Variants in RANBP6 observed in about 807,000 individuals in gnomAD.
The protein encoded by RANBP6 is RAN binding protein 6.
A neutral mutation model predicts 35.3 loss-of-function variants in RANBP6; 10 were observed. The ratio of observed to expected loss-of-function variants is 0.28; its 90% CI spans 0.17 to 0.48. The LOEUF (loss-of-function observed/expected upper bound fraction) is 0.48, where lower values mean the gene tolerates loss of function less well. RANBP6 is among the 20% of genes least tolerant of loss of function. RANBP6 has a pLI of 0.99. For missense variants in RANBP6, 1,392 were observed against 1,307.7 expected (o/e 1.06, Z -0.99); for synonymous variants, 514 against 464.2 (o/e 1.11, Z -1.38).
In RANBP6 at chr9:6,015,037, C is replaced by A; in HGVS notation, c.571G>T (p.Asp191Tyr). The change falls in exon 1 of 1, where the codon GAT (aspartate) becomes TAT (tyrosine). Residue 191 changes from aspartate to tyrosine, a missense_variant. By Grantham distance (160) the Asp-to-Tyr change is radical. Coordinates refer to ENST00000259569, the MANE Select transcript of RANBP6 (RefSeq NM_012416.4). ...IKRLLDQCIQ[D>Y]QEHPAIRTLS... ...GTCCTGATTGCTGGATGTTCTTGAT[C>A]TTGAATACACTGGTCCAACAACCGT... is the stretch of plus-strand genomic sequence containing the variant. 6.2e-7 allele frequency: 1 copy of A among 1,614,220 alleles called. No individual in the cohort carries two copies.
rs1385520599 is a variant in RANBP6 at position 6,011,454 on chromosome 9, G to C, written c.*836C>G. 6.6e-6 allele frequency: 1 copy of C among 152,054 alleles called. No homozygotes were observed. Among genetic ancestry groups the C allele is most frequent in the African/African-American group, 2.4e-5 (1 of 41,384 alleles). 9.4% of individuals were successfully genotyped at this position (152,054 alleles called of 1,614,324 possible). ...CCCTATAACTAGAGCTTTTTCTCTT[G>C]TTGAGCTGCTTTGCAGGGAGAAAAT... On this transcript the variant is annotated 3_prime_UTR_variant, in exon 1 of 1. Transcript: ENST00000259569.
chr9:6,012,165 TG>T lies in RANBP6; in HGVS notation c.*124del. The T allele has an allele frequency of 1.4e-6, 1 of 695,762 alleles. No homozygotes were observed. Among genetic ancestry groups the T allele is most frequent in the Non-Finnish European group, 2.2e-6 (1 of 446,174 alleles). The allele number at this position is 695,762 out of a possible 1,614,324, so 43.1% of individuals were successfully genotyped here. A position where few individuals can be genotyped will look rare whatever the true frequency, so the allele number is the denominator to read the frequency against. ...AACACTGATTAATTCTGGAGAAACA[TG>T]GAGAAGAACTATAAACTGCTTAGCA... On this transcript the variant is annotated 3_prime_UTR_variant, in exon 1 of 1. Coordinates refer to ENST00000259569, the MANE Select transcript of RANBP6 (RefSeq NM_012416.4).
At position 6,012,326 on chromosome 9, in the gene RANBP6, C is replaced by T; in HGVS notation, c.3282G>A (p.Gln1094=). Residue 1094 remains glutamine (Q), a synonymous_variant, in exon 1 of 1, where the codon CAG becomes CAA. Coordinates refer to ENST00000259569, the MANE Select transcript of RANBP6 (RefSeq NM_012416.4). ...LECVSQLDDE[Q]QEALQELLNF... ...TTAGCAACTCCTGTAAGGCTTCCTG[C>T]TGTTCATCATCAAGTTGTGATACAC... is the stretch of plus-strand genomic sequence containing the variant. The T allele has an allele frequency of 6.3e-7, 1 of 1,588,762 alleles. No homozygotes were observed. Among genetic ancestry groups the T allele is most frequent in the Non-Finnish European group, 8.5e-7 (1 of 1,170,526 alleles).
rs1373747439 is a variant in RANBP6 at position 6,011,141 on chromosome 9, A to C, written c.*1149T>G. ...CCCCAGGAAATTATAGATGTATTTA[A>C]GTTTTGGATCAATGAGTAATCGTTA... On this transcript the variant is annotated 3_prime_UTR_variant, in exon 1 of 1. Coordinates refer to ENST00000259569, the MANE Select transcript of RANBP6 (RefSeq NM_012416.4). 1 of 152,208 alleles carries C rather than the reference A, an allele frequency of 6.6e-6. No homozygotes were observed. The highest frequency in any genetic ancestry group is 1.5e-5 in the Non-Finnish European group (1 of 68,030). 9.4% of individuals were successfully genotyped at this position (152,208 alleles called of 1,614,324 possible).
At position 6,015,048 on chromosome 9, in the gene RANBP6, T is replaced by G; in HGVS notation, c.560A>C (p.Gln187Pro). The change falls in exon 1 of 1, where the codon CAG becomes CCG. Residue 187 changes from glutamine (Q) to proline (P), a missense_variant. By Grantham distance (76) the Gln-to-Pro change is moderately conservative (BLOSUM62 -1). Transcript: ENST00000259569. The part of the protein sequence containing the change: ...DLDIIKRLLD[Q>P]CIQDQEHPAI... ...TGGATGTTCTTGATCTTGAATACAC[T>G]GGTCCAACAACCGTTTGATGATATC... 6.2e-7 allele frequency: 1 copy of G among 1,614,216 alleles called. No individual in the cohort carries two copies. The highest frequency in any genetic ancestry group is 8.5e-7 in the Non-Finnish European group (1 of 1,180,030).
chr9:6,011,193 T>C lies in RANBP6; in HGVS notation c.*1097A>G, dbSNP rs961036515. The C allele has an allele frequency of 5.9e-5, 9 of 152,216 alleles. No homozygotes were observed. Among genetic ancestry groups the C allele is most frequent in the Non-Finnish European group, 1.3e-4 (9 of 68,022 alleles). The allele number at this position is 152,216 out of a possible 1,614,324, so 9.4% of individuals were successfully genotyped here. A position where few individuals can be genotyped will look rare whatever the true frequency, so the allele number is the denominator to read the frequency against. On this transcript the variant is annotated 3_prime_UTR_variant, in exon 1 of 1. Transcript: ENST00000259569. Reference sequence around the variant, plus strand: ...CTGAGTAGAAAGCTCTTTTCTACCCTACAATAAGCTCGACATTAAAGACTG... The same window carrying C: ...CTGAGTAGAAAGCTCTTTTCTACCCCACAATAAGCTCGACATTAAAGACTG...
rs2129695384 is a variant in RANBP6 at position 6,011,885 on chromosome 9, A to G, written c.*405T>C. 6.4e-6 allele frequency: 1 copy of G among 155,392 alleles called. No individual in the cohort carries two copies. The highest frequency in any genetic ancestry group is 2.4e-5 in the African/African-American group (1 of 41,616). 9.6% of individuals were successfully genotyped at this position (155,392 alleles called of 1,614,324 possible). A position where few individuals can be genotyped will look rare whatever the true frequency, so the allele number is the denominator to read the frequency against. ...AAGCCTGCCACTATATCCTTCACTC[A>G]CAATTCCAAAGATGTTTGTCCTGGA... is the stretch of plus-strand genomic sequence containing the variant. On this transcript the variant is annotated 3_prime_UTR_variant, in exon 1 of 1. Coordinates refer to ENST00000259569, the MANE Select transcript of RANBP6 (RefSeq NM_012416.4).
Position 6,013,934 on chromosome 9 carries a change from G to C in RANBP6, c.1674C>G (p.Leu558=), listed in dbSNP as rs772247520. ...CGATAGTTTTTCCTCTCAGAAGCTT[G>C]AGTTCCTTCTGAACAGCAAGCTCAA... is the stretch of plus-strand genomic sequence containing the variant. ...HIVELAVQKE[L]KLLRGKTIEC... The change falls in exon 1 of 1, where the codon CTC becomes CTG. Residue 558 remains leucine, a synonymous_variant. Coordinates refer to ENST00000259569, the MANE Select transcript of RANBP6 (RefSeq NM_012416.4). 1.9e-6 allele frequency: 3 copies of C among 1,613,938 alleles called. No individual in the cohort carries two copies. Among genetic ancestry groups the C allele is most frequent in the East Asian group, 4.5e-5 (2 of 44,880 alleles).
Position 6,012,617 on chromosome 9 carries a change from T to A in RANBP6, c.2991A>T (p.Val997=). The A allele has an allele frequency of 6.2e-7, 1 of 1,614,140 alleles. No homozygotes were observed. The highest frequency in any genetic ancestry group is 1.3e-5 in the African/African-American group (1 of 75,062). The change falls in exon 1 of 1, where the codon GTA becomes GTT. Residue 997 remains valine, a synonymous_variant. Transcript: ENST00000259569. ...ATAACCAGTGTGGAAGAACTTCATC[T>A]ACATTTACACAGTTAGGCTTAAACT... is the stretch of plus-strand genomic sequence containing the variant. ...ILKFKPNCVN[V]DEVLPHWLSW... is the part of the protein sequence containing the mutation.
rs1842483311 is a variant in RANBP6 at position 6,012,224 on chromosome 9, T to G, written c.*66A>C. ...AACAGTTCTCTGATTTATAATAAAA[T>G]CTATTCACAACACTTATTTGTAGTT... On this transcript the variant is annotated 3_prime_UTR_variant, in exon 1 of 1. Transcript: ENST00000259569. The G allele has an allele frequency of 1.7e-6, 2 of 1,187,536 alleles. No individual in the cohort carries two copies. The highest frequency in any genetic ancestry group is 2.3e-6 in the Non-Finnish European group (2 of 870,052). The allele number at this position is 1,187,536 out of a possible 1,614,324, so 73.6% of individuals were successfully genotyped here. A position where few individuals can be genotyped will look rare whatever the true frequency, so the allele number is the denominator to read the frequency against.
rs934641839 is a variant in RANBP6 at position 6,011,273 on chromosome 9, A to G, written c.*1017T>C. On this transcript the variant is annotated 3_prime_UTR_variant, in exon 1 of 1. Transcript: ENST00000259569. ...CTTATAGAACTGTTTTCTCATAATAATGCACATCTACTGCTAAATGACTAC... is the reference window on the plus strand; with the variant it reads ...CTTATAGAACTGTTTTCTCATAATAGTGCACATCTACTGCTAAATGACTAC... 2 of 152,222 alleles carry G rather than the reference A, an allele frequency of 1.3e-5. No individual in the cohort carries two copies. Among genetic ancestry groups the G allele is most frequent in the African/African-American group, 4.8e-5 (2 of 41,462 alleles). 9.4% of individuals were successfully genotyped at this position (152,222 alleles called of 1,614,324 possible). A position where few individuals can be genotyped will look rare whatever the true frequency, so the allele number is the denominator to read the frequency against.
chr9:6,013,717 G>A lies in RANBP6; in HGVS notation c.1891C>T (p.Leu631Phe). The A allele has an allele frequency of 6.2e-7, 1 of 1,614,098 alleles. No homozygotes were observed. Among genetic ancestry groups the A allele is most frequent in the South Asian group, 1.1e-5 (1 of 91,064 alleles). ...KILGKDFQQY[L>F]PLVIEPLIKT... The stretch of plus-strand genomic sequence containing the variant: ...ATAAGAGGCTCGATAACCAGTGGAA[G>A]GTACTGTTGAAAATCTTTTCCAAGA... Residue 631 changes from leucine (L) to phenylalanine (F), a missense_variant, in exon 1 of 1, where the codon CTT (leucine) becomes TTT (phenylalanine). By Grantham distance (22) the Leu-to-Phe change is conservative. Coordinates refer to ENST00000259569, the MANE Select transcript of RANBP6 (RefSeq NM_012416.4).
In RANBP6 at chr9:6,015,518, G is replaced by A. The variant is rs754289134; in HGVS notation, c.90C>T (p.Ser30=). Residue 30 remains serine, a synonymous_variant, in exon 1 of 1, where the codon AGC becomes AGT. Transcript: ENST00000259569. The stretch of plus-strand genomic sequence containing the variant: ...CCTCTGCTTGCCTCCGCACCATACA[G>A]CTTGGATTGATCAGGTTCTTCAGAA... The part of the protein sequence containing the change: ...YQLLKNLINP[S]CMVRRQAEEI... 20 of 1,613,272 alleles carry A rather than the reference G, an allele frequency of 1.2e-5. No individual in the cohort carries two copies. Among genetic ancestry groups the A allele is most frequent in the Non-Finnish European group, 1.7e-5 (20 of 1,180,038 alleles).
chr9:6,013,503 T>C lies in RANBP6; in HGVS notation c.2105A>G (p.Glu702Gly), dbSNP rs1057231643. ...MLVYYAKELR[E>G]GFVEYTEQVV... ...TTGTTCTGTATATTCCACAAACCCT[T>C]CCCTTAACTCCTTAGCATAGTAAAC... Residue 702 changes from glutamate (E) to glycine (G), a missense_variant, in exon 1 of 1, where the codon GAA becomes GGA. Glu to Gly is a moderately conservative substitution (Grantham distance 98, BLOSUM62 -2). Coordinates refer to ENST00000259569, the MANE Select transcript of RANBP6 (RefSeq NM_012416.4). 5.0e-6 allele frequency: 8 copies of C among 1,614,030 alleles called. No homozygotes were observed. Among genetic ancestry groups the C allele is most frequent in the Non-Finnish European group, 6.8e-6 (8 of 1,180,038 alleles).
At position 6,013,815 on chromosome 9, in the gene RANBP6, T is replaced by C; in HGVS notation, c.1793A>G (p.Asp598Gly). The change falls in exon 1 of 1, where the codon GAC (aspartate) becomes GGC (glycine). Residue 598 changes from aspartate (D) to glycine (G), a missense_variant. Transcript: ENST00000259569. ...VMQLLLKTQS[D>G]LNNMEDDDPQ... ...GTCATCATCTTCCATATTATTTAAG[T>C]CTGATTGTGTCTTCAACAACAGCTG... 1 of 1,613,982 alleles carries C rather than the reference T, an allele frequency of 6.2e-7. No homozygotes were observed. Among genetic ancestry groups the C allele is most frequent in the Non-Finnish European group, 8.5e-7 (1 of 1,180,030 alleles).
At position 6,015,556 on chromosome 9, in the gene RANBP6, C is replaced by A; in HGVS notation, c.52G>T (p.Glu18Ter). ...GVPATVSEKQ[E>*]FYQLLKNLIN... ...AGGTTCTTCAGAAGCTGGTAAAACT[C>A]TTGCTTTTCTGACACGGTCGCCGGC... Residue 18 changes from glutamate (E) to a stop codon, truncating the protein, a stop_gained, in exon 1 of 1, where the codon GAG becomes TAG. Transcript: ENST00000259569. LOFTEE classifies it low-confidence loss of function (END_TRUNC). 1 of 1,609,146 alleles carries A rather than the reference C, an allele frequency of 6.2e-7. No homozygotes were observed.
rs773865320 is a variant in RANBP6, at chr9:6,015,195, G to A, written c.413C>T (p.Pro138Leu). 3.1e-6 allele frequency: 5 copies of A among 1,614,132 alleles called. No homozygotes were observed. The highest frequency in any genetic ancestry group is 1.1e-5 in the South Asian group (1 of 91,078). Reference protein sequence around the residue: ...LIDEDGTNHWPEGLKFLIDSI... With the variant: ...LIDEDGTNHWLEGLKFLIDSI... ...ATCAATAAGAAACTTCAGACCTTCC[G>A]GCCAGTGGTTAGTGCCATCCTCATC... The change falls in exon 1 of 1, where the codon CCG becomes CTG. Residue 138 changes from proline (P) to leucine (L), a missense_variant. Coordinates refer to ENST00000259569, the MANE Select transcript of RANBP6 (RefSeq NM_012416.4).
Position 6,015,078 on chromosome 9 carries a change from T to C in RANBP6, c.530A>G (p.Asp177Gly), listed in dbSNP as rs1430006046. 1 of 1,614,170 alleles carries C rather than the reference T, an allele frequency of 6.2e-7. No individual in the cohort carries two copies. The highest frequency in any genetic ancestry group is 1.7e-5 in the Admixed American group (1 of 60,028). The change falls in exon 1 of 1, where the codon GAT becomes GGT. Residue 177 changes from aspartate (D) to glycine (G), a missense_variant. Physicochemically the swap from Asp to Gly is moderately conservative, Grantham distance 94. Coordinates refer to ENST00000259569, the MANE Select transcript of RANBP6 (RefSeq NM_012416.4). Reference sequence around the variant, plus strand: ...CAACAACCGTTTGATGATATCCAAATCATGCCGCTCTTGGGTCCCAAAAAT... The same window carrying C: ...CAACAACCGTTTGATGATATCCAAACCATGCCGCTCTTGGGTCCCAAAAAT... The part of the protein sequence containing the change: ...PGIFGTQERH[D>G]LDIIKRLLDQ...
rs1262442909 is a variant in RANBP6 at position 6,011,042 on chromosome 9, A to T, written c.*1248T>A. ...AATAGAGGTACAAACAACAACAGCA[A>T]TAACAGCTACAATTTATTGAGCACT... On this transcript the variant is annotated 3_prime_UTR_variant, in exon 1 of 1. Coordinates refer to ENST00000259569, the MANE Select transcript of RANBP6 (RefSeq NM_012416.4). The T allele has an allele frequency of 6.6e-6, 1 of 152,212 alleles. No individual in the cohort carries two copies. The highest frequency in any genetic ancestry group is 1.5e-5 in the Non-Finnish European group (1 of 68,030). 9.4% of individuals were successfully genotyped at this position (152,212 alleles called of 1,614,324 possible).
Sources: allele counts gnomAD v4.1 joint callset, GRCh38; gene constraint gnomAD v4.1.1; transcripts MANE v1.5; gene names NCBI Gene and HGNC (gene_info 2026-07-23, HGNC 2026-07-21).